Variants in PCSK5 observed in about 807,000 individuals in gnomAD.
The protein encoded by PCSK5 is proprotein convertase subtilisin/kexin type 5, also known as prohormone convertase 5.
PCSK5 carries 129 observed loss-of-function variants against 233.2 expected under a neutral mutation model. That is an observed-to-expected ratio of 0.55 (90% confidence interval 0.48 to 0.64). The LOEUF is 0.64. PCSK5 is among the 30% of genes least tolerant of loss of function. The pLI is 0.00. For missense variants in PCSK5, 2,076 were observed against 2,430.1 expected, an observed-to-expected ratio of 0.85 and a Z score of 3.06; for synonymous variants, 825 against 879.2, an observed-to-expected ratio of 0.94 and a Z score of 1.09.
chr9:76,240,000 G>A (rs1388287882), intron 23 of PCSK5, among the ~76,000 whole-genome samples: 4 of 152,256 alleles, frequency 2.6e-5, no homozygotes, highest in South Asian at 4.1e-4. Context: ...TCTGTGAATC[G>A]TATGTGTTAT....
intron 5 of PCSK5, among the ~76,000 whole-genome samples, chr9:76,036,253 T>C (rs1828855608): frequency 6.6e-6 from 1 of 152,206 alleles, no homozygotes; most frequent in Non-Finnish European, 1.5e-5. Context: ...TATTTGTGTA[T>C]GTGTATTTAA....
At chr9:75,898,516 T>C (rs890052987) in intron 1 of PCSK5, among the ~76,000 whole-genome samples, 3 of 152,120 alleles carry the variant, frequency 2.0e-5, no homozygotes, top group Non-Finnish European at 4.4e-5. Context: ...AGGGTAGCAG[T>C]ATTTTGATGG....
intron 3 of PCSK5, among the ~76,000 whole-genome samples, chr9:76,017,355 T>A (rs374325731): frequency 5.0e-4 from 76 of 152,174 alleles, no homozygotes; most frequent in African/African-American, 1.5e-3. Context: ...TCTCCTTTTT[T>A]AAAAAAACTA....
intron 20 of PCSK5, among the ~76,000 whole-genome samples, chr9:76,198,096 G>A (rs538734200): frequency 1.1e-4 from 17 of 152,262 alleles, no homozygotes; most frequent in East Asian, 1.9e-4. Context: ...GCCTCACTAC[G>A]TTTCAGCGGA....
At chr9:76,038,331 G>A (rs1828951659) in intron 5 of PCSK5, among the ~76,000 whole-genome samples, 1 of 152,144 alleles carries the variant, frequency 6.6e-6, no homozygotes, top group Admixed American at 6.6e-5. Context: ...AGAGGGACAC[G>A]TTTGTCTCTA....
At chr9:76,358,172 G>T (rs1359192356) in intron 37 of PCSK5, among the ~76,000 whole-genome samples, 1 of 152,028 alleles carries the variant, frequency 6.6e-6, no homozygotes, top group East Asian at 1.9e-4. Context: ...TTCTCACGGG[G>T]TACATACTCC....
At chr9:76,064,620 A>G (rs1303592189) in intron 5 of PCSK5, among the ~76,000 whole-genome samples, 1 of 139,150 alleles carries the variant, frequency 7.2e-6, no homozygotes, top group Non-Finnish European at 1.6e-5. Context: ...CAGACGGGGC[A>G]GCTGCCAGGC....
chr9:76,181,756 A>G (rs925875209), intron 16 of PCSK5, among the ~76,000 whole-genome samples, 165 bp downstream of exon 16: 1 of 152,186 alleles, frequency 6.6e-6, no homozygotes, highest in African/African-American at 2.4e-5. Flanking sequence ...TCATGTAAAA[A>G]TGCTTATAAC....
chr9:75,936,820 T>A (rs1020271550), intron 2 of PCSK5, among the ~76,000 whole-genome samples: 12 of 152,218 alleles, frequency 7.9e-5, no homozygotes, highest in Non-Finnish European at 1.2e-4. Flanking sequence ...TCCAGAAAGT[T>A]TTCAGTTTAC....
chr9:76,278,570 AAC>A (rs1417490959), intron 24 of PCSK5, among the ~76,000 whole-genome samples: 9 of 152,090 alleles, frequency 5.9e-5, no homozygotes, highest in Admixed American at 2.0e-4. Context: ...CCAATTCTGT[AAC>A]ACACATTTAT....
intron 2 of PCSK5, among the ~76,000 whole-genome samples, chr9:75,982,090 G>T (rs556368499): frequency 1.3e-5 from 2 of 152,204 alleles, no homozygotes; most frequent in Non-Finnish European, 2.9e-5. Context: ...TAAACCATTT[G>T]TAACTTACAT....
chr9:76,024,172 A>G (rs1828321887), intron 4 of PCSK5, among the ~76,000 whole-genome samples: 1 of 152,156 alleles, frequency 6.6e-6, no homozygotes, highest in South Asian at 2.1e-4. Flanking sequence ...GTTCTCAACA[A>G]TTTATCCAAC....
At chr9:75,892,521 C>G (rs1456101127) in intron 1 of PCSK5, among the ~76,000 whole-genome samples, 1 of 152,226 alleles carries the variant, frequency 6.6e-6, no homozygotes, top group African/African-American at 2.4e-5. Context: ...CCAGCAGGCG[C>G]GCTTTGGGGA....
At position 75,932,546 on chromosome 9, in the gene PCSK5, A is replaced by G. The variant is rs151215156; in HGVS notation, c.297+63A>G. Reference sequence around the variant, plus strand: ...GCTTCTGCATTTTTCATTGGTAATAACACACTAGGGGCTGAGGACCAGCAT... The same window carrying G: ...GCTTCTGCATTTTTCATTGGTAATAGCACACTAGGGGCTGAGGACCAGCAT... On this transcript the variant is annotated intron_variant, in intron 2 of 37. Coordinates refer to ENST00000674117, the MANE Select transcript of PCSK5 (RefSeq NM_001372043.1). The G allele has an allele frequency of 1.4e-3, 1,291 of 939,266 alleles. 15 individuals are homozygous for G. In the African/African-American group the frequency reaches 0.018, roughly 13 times the overall value. The allele number at this position is 939,266 out of a possible 1,614,324, so 58.2% of individuals were successfully genotyped here. A position where few individuals can be genotyped will look rare whatever the true frequency, so the allele number is the denominator to read the frequency against.
chr9:76,083,101 C>T (rs1830912551), intron 7 of PCSK5, among the ~76,000 whole-genome samples: 1 of 147,896 alleles, frequency 6.8e-6, no homozygotes, highest in Admixed American at 7.0e-5. Context: ...CCCAGCTGTT[C>T]AGGAGGCTAA....
intron 3 of PCSK5, among the ~76,000 whole-genome samples, chr9:75,991,556 T>TTA (rs1826768958): frequency 6.6e-6 from 1 of 152,242 alleles, no homozygotes. Context: ...GCTGGCAGCT[T>TTA]TAATATGAGA....
intron 3 of PCSK5, among the ~76,000 whole-genome samples, chr9:75,999,398 T>TGA (rs35799858): frequency 0.51 from 77,468 of 151,914 alleles, 20,330 homozygotes; most frequent in African/African-American, 0.63. Context: ...CCTTCAGAGC[T>TGA]GAGCCCCGAA....
chr9:76,261,163 G>C (rs1031459402), intron 24 of PCSK5, among the ~76,000 whole-genome samples: 4 of 152,244 alleles, frequency 2.6e-5, no homozygotes, highest in Admixed American at 6.5e-5. Context: ...ATGGACACTG[G>C]GTGCTTCCTG....
At chr9:75,892,231 G>C (rs1825640977) in intron 1 of PCSK5, among the ~76,000 whole-genome samples, 1 of 152,224 alleles carries the variant, frequency 6.6e-6, no homozygotes, top group African/African-American at 2.4e-5. Flanking sequence ...CTCCTGCTAG[G>C]GAGAAATGCC....
Sources: allele counts gnomAD v4.1 joint callset (sites outside exome capture counted in the v4.1 genomes callset), GRCh38; gene constraint gnomAD v4.1.1; transcripts MANE v1.5; gene names NCBI Gene and HGNC (gene_info 2026-07-23, HGNC 2026-07-21).